RASGRP1: variants seen among roughly 807,000 people sequenced by gnomAD.
RASGRP1 encodes RAS guanyl releasing protein 1.
RASGRP1 carries 37 observed loss-of-function variants against 95.1 expected under a neutral mutation model. That is an observed-to-expected ratio of 0.39 (90% confidence interval 0.30 to 0.51). The LOEUF (loss-of-function observed/expected upper bound fraction) is 0.51. RASGRP1 is among the 20% of genes least tolerant of loss of function. The pLI is 0.80. For missense variants in RASGRP1, 711 were observed against 965.4 expected, an observed-to-expected ratio of 0.74 and a Z score of 3.49; for synonymous variants, 325 against 353.4, an observed-to-expected ratio of 0.92 and a Z score of 0.90.
At chr15:38,512,291 C>G (rs1283403314) in intron 7 of RASGRP1, among the ~76,000 whole-genome samples, 1 of 152,186 alleles carries the variant, frequency 6.6e-6, no homozygotes, top group African/African-American at 2.4e-5. Context: ...GTAACTGGGA[C>G]AGAGAAGCTA....
rs1266541894 is a variant in RASGRP1 at position 38,499,215 on chromosome 15, C to G, written c.1721-269G>C. 15 of 590,218 alleles carry G rather than the reference C, an allele frequency of 2.5e-5. No homozygotes were observed. In the East Asian group the frequency reaches 5.4e-4, roughly 21 times the overall value. The allele number at this position is 590,218 out of a possible 1,614,324, so 36.6% of individuals were successfully genotyped here. ...AGGGAAGAGATGGTGTCCTGGTATC[C>G]CATACATTCTGCCTACTCTAGGGAG... On this transcript the variant is annotated intron_variant, in intron 14 of 16. Coordinates refer to ENST00000310803, the MANE Select transcript of RASGRP1 (RefSeq NM_005739.4).
At chr15:38,530,240 G>A (rs1892384373) in intron 2 of RASGRP1, among the ~76,000 whole-genome samples, 1 of 152,198 alleles carries the variant, frequency 6.6e-6, no homozygotes. Flanking sequence ...GTTATCTCAT[G>A]ATGATGGCAG....
chr15:38,502,819 C>G (rs1891091534), intron 11 of RASGRP1: 1 of 230,942 alleles, frequency 4.3e-6, no homozygotes, highest in South Asian at 8.3e-5. Flanking sequence ...CCTCTTGTTT[C>G]TCACCGTTAC....
rs971055200 is a variant in RASGRP1, at chr15:38,529,383, C to G, written c.221-2979G>C. Reference sequence around the variant, plus strand: ...TACCACATTGCTCCTCTCCACACCTCTAATTGTACCTCAAACACTCCCAGC... The same window carrying G: ...TACCACATTGCTCCTCTCCACACCTGTAATTGTACCTCAAACACTCCCAGC... On this transcript the variant is annotated intron_variant, in intron 2 of 16. Transcript: ENST00000310803. Among the ~76,000 whole-genome samples, 13 of 152,224 alleles carry G rather than the reference C, an allele frequency of 8.5e-5. 1 individual carries two copies. The highest frequency in any genetic ancestry group is 5.9e-4 in the Admixed American group (9 of 15,282).
At chr15:38,502,184 C>G in intron 12 of RASGRP1, 128 bp downstream of exon 12, 3 of 655,194 alleles carry the variant, frequency 4.6e-6, no homozygotes, top group Non-Finnish European at 7.7e-6. Flanking sequence ...ATGCATATTT[C>G]ATGGTCTGTT....
rs1893738731 is a variant in RASGRP1 at position 38,559,950 on chromosome 15, C to T, written c.91G>A (p.Ala31Thr). The T allele has an allele frequency of 1.2e-6, 2 of 1,613,570 alleles. No individual in the cohort carries two copies. Among genetic ancestry groups the T allele is most frequent in the African/African-American group, 2.7e-5 (2 of 75,000 alleles). ...ASKARLEAKP[A>T]NSPFPSHPSL... is the part of the protein sequence containing the mutation. ...GGATGGGAGGGGAAGGGGCTGTTGG[C>T]TGGCTTTGCCTCTAGTCTTGCTTTA... The change falls in exon 2 of 17, where the codon GCC becomes ACC. Residue 31 changes from alanine (A) to threonine (T), a missense_variant. Coordinates refer to ENST00000310803, the MANE Select transcript of RASGRP1 (RefSeq NM_005739.4).
chr15:38,543,056 A>G lies in RASGRP1; in HGVS notation c.221-16652T>C, dbSNP rs140796138. ...ATTTTTATAAAGTCCAATTTGCTAA[A>G]TATATTATTTATGGTTAGTCCTTTG... On this transcript the variant is annotated intron_variant, in intron 2 of 16. Transcript: ENST00000310803. Among the ~76,000 whole-genome samples, 187 of 151,718 alleles carry G rather than the reference A, an allele frequency of 1.2e-3. 1 individual carries two copies. Among genetic ancestry groups the G allele is most frequent in the Non-Finnish European group, 1.6e-3 (107 of 67,884 alleles).
chr15:38,563,972 T>C (rs1893916980), intron 1 of RASGRP1, among the ~76,000 whole-genome samples: 2 of 152,218 alleles, frequency 1.3e-5, no homozygotes, highest in African/African-American at 4.8e-5. Flanking sequence ...CCAAGAGCCC[T>C]TTCACTCACT....
intron 2 of RASGRP1, among the ~76,000 whole-genome samples, chr15:38,548,681 T>G (rs1325032030): frequency 3.9e-5 from 6 of 152,258 alleles, no homozygotes; most frequent in Non-Finnish European, 8.8e-5. Context: ...ATACAGCAGA[T>G]GTGGATCCAT....
At chr15:38,514,428 ATAACTT>A (rs1403246968) in intron 6 of RASGRP1, among the ~76,000 whole-genome samples, 1 of 152,196 alleles carries the variant, frequency 6.6e-6, no homozygotes, top group African/African-American at 2.4e-5. Context: ...CACTATAAAT[ATAACTT>A]TAAATCCACT....
intron 14 of RASGRP1, 182 bp from the exon 15 acceptor site, chr15:38,499,128 C>T (rs761322970): frequency 1.2e-6 from 1 of 821,236 alleles, no homozygotes; most frequent in Admixed American, 1.9e-5. Flanking sequence ...CCAGAGCTCA[C>T]ACTCTTGATG....
intron 6 of RASGRP1, among the ~76,000 whole-genome samples, chr15:38,514,963 A>G (rs115800566): frequency 0.011 from 1,640 of 152,210 alleles, 35 homozygotes; most frequent in African/African-American, 0.036. Flanking sequence ...GAGCTTTTCA[A>G]TTTGGGTCTG....
chr15:38,502,659 T>C (rs1376893387), intron 11 of RASGRP1, among the ~76,000 whole-genome samples: 6 of 152,176 alleles, frequency 3.9e-5, no homozygotes, highest in Non-Finnish European at 7.3e-5. Context: ...ACGTCAATTA[T>C]ACTATCACGC....
At chr15:38,535,737 A>T (rs1164289201) in intron 2 of RASGRP1, among the ~76,000 whole-genome samples, 4 of 152,210 alleles carry the variant, frequency 2.6e-5, no homozygotes, top group African/African-American at 9.6e-5. Context: ...GAGCAGTTGA[A>T]GTCTATAAAT....
intron 2 of RASGRP1, among the ~76,000 whole-genome samples, chr15:38,533,784 C>A (rs1426325730): frequency 6.6e-6 from 1 of 152,160 alleles, no homozygotes; most frequent in Non-Finnish European, 1.5e-5. Flanking sequence ...ATGGTTGCCA[C>A]CAGCAGGATG....
At chr15:38,510,583 C>T (rs1334089057) in intron 8 of RASGRP1, among the ~76,000 whole-genome samples, 3 of 152,208 alleles carry the variant, frequency 2.0e-5, no homozygotes, top group Non-Finnish European at 4.4e-5. Context: ...GGTCCTCTTA[C>T]ATGAAAGTGC....
At chr15:38,543,131 T>C (rs1170979232) in intron 2 of RASGRP1, among the ~76,000 whole-genome samples, 1 of 152,062 alleles carries the variant, frequency 6.6e-6, no homozygotes, top group Non-Finnish European at 1.5e-5. Flanking sequence ...GTCCTAAATT[T>C]CCTTCTAGAA....
In RASGRP1 at chr15:38,519,338, T is replaced by C; in HGVS notation, c.360A>G (p.Gly120=). ...YKDALAKNSP[G]LCLKICYFVR... ...CAAAATAACAGATCTTCAGGCAAAGTCCTGGTGAATTCTTTGCCAAAGCAT... is the reference window on the plus strand; with the variant it reads ...CAAAATAACAGATCTTCAGGCAAAGCCCTGGTGAATTCTTTGCCAAAGCAT... Residue 120 remains glycine (G), a synonymous_variant, in exon 4 of 17, where the codon GGA becomes GGG. Coordinates refer to ENST00000310803, the MANE Select transcript of RASGRP1 (RefSeq NM_005739.4). The C allele has an allele frequency of 6.5e-7, 1 of 1,530,950 alleles. No individual in the cohort carries two copies. The allele number at this position is 1,530,950 out of a possible 1,614,324, so 94.8% of individuals were successfully genotyped here.
At chr15:38,524,623 G>A (rs1892130876) in intron 3 of RASGRP1, among the ~76,000 whole-genome samples, 1 of 152,152 alleles carries the variant, frequency 6.6e-6, no homozygotes, top group Admixed American at 6.5e-5. Flanking sequence ...GAATACTGGG[G>A]GCCAACTTCA....
Sources: allele counts gnomAD v4.1 joint callset (sites outside exome capture counted in the v4.1 genomes callset), GRCh38; gene constraint gnomAD v4.1.1; transcripts MANE v1.5; gene names NCBI Gene and HGNC (gene_info 2026-07-23, HGNC 2026-07-21).